Variants in ATP2C1 observed in about 807,000 individuals in gnomAD.
The protein encoded by ATP2C1 is ATPase secretory pathway Ca2+ transporting 1.
A neutral mutation model predicts 120.5 loss-of-function variants in ATP2C1; 31 were observed. That is an observed-to-expected ratio of 0.26 (90% CI 0.19 to 0.35). The LOEUF (loss-of-function observed/expected upper bound fraction) is 0.35. ATP2C1 is among the 10% of genes least tolerant of loss of function. The pLI is 1.00. For missense variants in ATP2C1, 731 were observed against 1,107.5 expected (o/e 0.66, Z 4.83); for synonymous variants, 351 against 358.7 (o/e 0.98, Z 0.24).
chr3:130,871,848 C>T (rs1201111486), intron 1 of ATP2C1, among the ~76,000 whole-genome samples: 1 of 151,980 alleles, frequency 6.6e-6, no homozygotes, highest in African/African-American at 2.4e-5. Context: ...TGGTGAAACC[C>T]CATCTCTATT....
chr3:130,997,423 G>C (rs1234936024), intron 24 of ATP2C1, among the ~76,000 whole-genome samples, 183 bp from the exon 25 acceptor site: 1 of 152,116 alleles, frequency 6.6e-6, no homozygotes, highest in African/African-American at 2.4e-5. Context: ...AAATAAAGAG[G>C]AGAGAAAAAG....
chr3:130,900,250 C>T (rs926536294), intron 2 of ATP2C1, among the ~76,000 whole-genome samples: 7 of 151,886 alleles, frequency 4.6e-5, no homozygotes, highest in South Asian at 2.1e-4. Context: ...TTTTTAAAGA[C>T]GAGGTCTTGA....
intron 18 of ATP2C1, among the ~76,000 whole-genome samples, chr3:130,976,865 G>A (rs532908338): frequency 1.1e-4 from 16 of 152,296 alleles, no homozygotes; most frequent in East Asian, 5.8e-4. Context: ...CAAGCCAAAT[G>A]TACAATTGCC....
chr3:130,916,359 T>C (rs1180635274), intron 2 of ATP2C1, among the ~76,000 whole-genome samples: 1 of 151,776 alleles, frequency 6.6e-6, no homozygotes, highest in Non-Finnish European at 1.5e-5. Context: ...GAGGTTGCAG[T>C]GAGCAGAGAT....
intron 1 of ATP2C1, among the ~76,000 whole-genome samples, chr3:130,854,970 C>T: frequency 6.6e-6 from 1 of 152,174 alleles, no homozygotes; most frequent in Middle Eastern, 3.2e-3. Flanking sequence ...ATGCTCCTCC[C>T]CAGGTTTTTC....
chr3:130,862,621 T>C (rs2068053586), intron 1 of ATP2C1, among the ~76,000 whole-genome samples: 1 of 152,234 alleles, frequency 6.6e-6, no homozygotes. Flanking sequence ...ACCCACATAC[T>C]TCAGGTGCTG....
chr3:130,974,547 G>A (rs1288968532), intron 17 of ATP2C1, among the ~76,000 whole-genome samples: 1 of 152,198 alleles, frequency 6.6e-6, no homozygotes, highest in Non-Finnish European at 1.5e-5. Flanking sequence ...CAGGAGAACT[G>A]GGATATTTGT....
intron 8 of ATP2C1, among the ~76,000 whole-genome samples, chr3:130,951,935 C>T (rs1021247989): frequency 6.6e-6 from 1 of 152,074 alleles, no homozygotes; most frequent in Non-Finnish European, 1.5e-5. Context: ...AACTTAACAA[C>T]CTATTGTAAA....
At chr3:130,938,758 C>T (rs763293374) in intron 6 of ATP2C1, among the ~76,000 whole-genome samples, 7 of 152,178 alleles carry the variant, frequency 4.6e-5, no homozygotes, top group Non-Finnish European at 7.4e-5. Flanking sequence ...CTAACTGGAC[C>T]TTCTTGCGTC....
intron 13 of ATP2C1, among the ~76,000 whole-genome samples, chr3:130,964,729 T>G (rs1004632602): frequency 1.3e-5 from 2 of 152,036 alleles, no homozygotes; most frequent in African/African-American, 4.8e-5. Context: ...TGTATATAAA[T>G]AAGAACATGT....
intron 16 of ATP2C1, among the ~76,000 whole-genome samples, chr3:130,968,353 T>C (rs1018092684): frequency 1.3e-5 from 2 of 152,138 alleles, no homozygotes; most frequent in Non-Finnish European, 2.9e-5. Flanking sequence ...ACATTTTAGG[T>C]AGGGAATTTA....
At chr3:130,994,157 C>A in intron 22 of ATP2C1, 59 bp downstream of exon 22, 2 of 1,590,140 alleles carry the variant, frequency 1.3e-6, no homozygotes, top group South Asian at 1.1e-5. Flanking sequence ...TTCCTGTCCC[C>A]CACCCCTAGA....
At chr3:131,014,219 T>G (rs1403572914) in intron 26 of ATP2C1, 2 of 1,614,038 alleles carry the variant, frequency 1.2e-6, no homozygotes. Context: ...TTTTTGAATT[T>G]GATCTACCTT....
chr3:130,894,357 C>G lies in ATP2C1; in HGVS notation c.-181+20C>G. The G allele has an allele frequency of 9.1e-7, 1 of 1,093,778 alleles. No homozygotes were observed. Among genetic ancestry groups the G allele is most frequent in the East Asian group, 7.2e-5 (1 of 13,936 alleles). 67.8% of individuals were successfully genotyped at this position (1,093,778 alleles called of 1,614,324 possible). A position where few individuals can be genotyped will look rare whatever the true frequency, so the allele number is the denominator to read the frequency against. ...CTTTGGGTGGGTACCAGTATTACCTCCTGCCCCCATTTCTAGAAACTTCCA... is the reference window on the plus strand; with the variant it reads ...CTTTGGGTGGGTACCAGTATTACCTGCTGCCCCCATTTCTAGAAACTTCCA... On this transcript the variant is annotated intron_variant, in intron 1 of 27. Coordinates refer to ENST00000510168, the MANE Select transcript of ATP2C1 (RefSeq NM_001378687.1). The surrounding 1 kb of genome is among the most constrained non-coding windows in gnomAD (Gnocchi z 4.5).
intron 2 of ATP2C1, among the ~76,000 whole-genome samples, chr3:130,913,183 A>G (rs1160505501): frequency 2.0e-5 from 3 of 151,240 alleles, no homozygotes; most frequent in African/African-American, 7.3e-5. Context: ...CCAGCATGGC[A>G]CATGTATACA....
intron 14 of ATP2C1, among the ~76,000 whole-genome samples, chr3:130,966,813 CT>C (rs1380923370): frequency 1.3e-5 from 2 of 152,114 alleles, no homozygotes; most frequent in Non-Finnish European, 2.9e-5. Flanking sequence ...CATTTGAGTT[CT>C]TTGCAAACTG....
At chr3:130,901,956 T>C (rs1559899323) in intron 2 of ATP2C1, among the ~76,000 whole-genome samples, 1 of 151,850 alleles carries the variant, frequency 6.6e-6, no homozygotes. Context: ...CCAGGGATGC[T>C]GGTAAGCATG....
At chr3:130,950,822 A>G (rs2060340184) in intron 8 of ATP2C1, among the ~76,000 whole-genome samples, 1 of 152,090 alleles carries the variant, frequency 6.6e-6, no homozygotes. Flanking sequence ...CCAAAGAGCT[A>G]GGTTGCTGAC....
At chr3:131,011,680 T>C (rs2063322301) in intron 26 of ATP2C1, among the ~76,000 whole-genome samples, 1 of 152,236 alleles carries the variant, frequency 6.6e-6, no homozygotes, top group South Asian at 2.1e-4. Context: ...GACCGCTGTT[T>C]CCTTATTGTA....
Sources: allele counts gnomAD v4.1 joint callset (sites outside exome capture counted in the v4.1 genomes callset), GRCh38; gene constraint gnomAD v4.1.1; non-coding constraint Gnocchi (gnomAD v3.1); transcripts MANE v1.5; gene names NCBI Gene and HGNC (gene_info 2026-07-23, HGNC 2026-07-21).